Variants in EIF2A observed in about 807,000 individuals in gnomAD.
EIF2A encodes the protein 65 kDa eukaryotic translation initiation factor 2A.
Under a neutral mutation model 75.2 loss-of-function variants are expected in EIF2A, and 62 were observed. That is an observed-to-expected ratio of 0.82 (90% confidence interval 0.67 to 1.02). EIF2A has a LOEUF of 1.02. Among genes scored for constraint, EIF2A ranks in the 50% least tolerant of loss-of-function variants. The probability of loss-of-function intolerance (pLI) is 0.00; values close to 1 mark genes in which losing one functional copy is unlikely to be tolerated. For synonymous variants in EIF2A, 207 were observed against 239.0 expected (o/e 0.87, Z 1.23); for missense variants, 611 against 677.7 (o/e 0.90, Z 1.09).
intron 6 of EIF2A, chr3:150,567,034 T>C (rs980307207): frequency 3.3e-5 from 5 of 152,242 alleles, no homozygotes; most frequent in African/African-American, 1.2e-4. Flanking sequence ...TTCTCCTCTT[T>C]GTGAGCATGT....
intron 1 of EIF2A, among the ~76,000 whole-genome samples, chr3:150,549,589 A>G (rs555071225): frequency 6.6e-6 from 1 of 152,274 alleles, no homozygotes; most frequent in Non-Finnish European, 1.5e-5. Flanking sequence ...ACTGACATTC[A>G]ACCAAATGCC....
At position 150,562,554 on chromosome 3, in the gene EIF2A, C is replaced by A. The variant is rs370425613; in HGVS notation, c.186C>A (p.Ile62=). The change falls in exon 4 of 14, where the codon ATC becomes ATA. Residue 62 remains isoleucine, a synonymous_variant. Transcript: ENST00000460851. ...AWGNGEKVNI[I]SVTNKGLLHS... ...CTTTTGAAACCAGAGTAAATATTAT[C>A]AGTGTCACTAACAAGGGACTACTGC... 40 of 1,611,618 alleles carry A rather than the reference C, an allele frequency of 2.5e-5. No individual in the cohort carries two copies. In the African/African-American group the frequency reaches 4.9e-4, roughly 20 times the overall value.
At chr3:150,574,357 TA>T (rs1248718899) in intron 10 of EIF2A, among the ~76,000 whole-genome samples, 2 of 152,212 alleles carry the variant, frequency 1.3e-5, no homozygotes, top group East Asian at 1.9e-4. Flanking sequence ...ATGATGCTCA[TA>T]AGCGTGGAAG....
chr3:150,561,497 A>G (rs1576592923), intron 3 of EIF2A, among the ~76,000 whole-genome samples: 1 of 152,150 alleles, frequency 6.6e-6, no homozygotes, highest in East Asian at 1.9e-4. Flanking sequence ...AGAATCACTT[A>G]AACCCAGGAG....
At chr3:150,571,663 T>G (rs1724530652) in intron 9 of EIF2A, among the ~76,000 whole-genome samples, 1 of 152,172 alleles carries the variant, frequency 6.6e-6, no homozygotes, top group African/African-American at 2.4e-5. Flanking sequence ...TTGATTACCA[T>G]CTGCACGTAT....
intron 3 of EIF2A, chr3:150,558,743 A>T: frequency 5.4e-6 from 1 of 184,246 alleles, no homozygotes; most frequent in Non-Finnish European, 1.1e-5. Context: ...GCTCTAAGTT[A>T]TTGGTTGGAG....
At chr3:150,552,292 C>A in intron 1 of EIF2A, 64 bp from the exon 2 acceptor site, 1 of 1,377,934 alleles carries the variant, frequency 7.3e-7, no homozygotes, top group Non-Finnish European at 9.9e-7. Flanking sequence ...TTAAAAAACA[C>A]ATTTGTGTTA....
intron 1 of EIF2A, 89 bp downstream of exon 1, chr3:150,546,919 G>A (rs1723063129): frequency 6.4e-7 from 1 of 1,567,844 alleles, no homozygotes; most frequent in East Asian, 2.2e-5. Flanking sequence ...AGGAGCCGGG[G>A]AGTCTGATCT....
chr3:150,573,898 A>G (rs1337431028), intron 10 of EIF2A, among the ~76,000 whole-genome samples: 1 of 152,138 alleles, frequency 6.6e-6, no homozygotes, highest in Non-Finnish European at 1.5e-5. Context: ...GCTTTCCAAA[A>G]AAACCTTCAC....
At chr3:150,574,257 A>AGC (rs1451357501) in intron 10 of EIF2A, among the ~76,000 whole-genome samples, 1 of 152,200 alleles carries the variant, frequency 6.6e-6, no homozygotes, top group Non-Finnish European at 1.5e-5. Context: ...ATGCGTAATG[A>AGC]GCACATAGTA....
At position 150,584,081 on chromosome 3, in the gene EIF2A, A is replaced by C. The variant is rs897473645; in HGVS notation, c.*170A>C. The C allele has an allele frequency of 1.0e-5, 6 of 589,622 alleles. No homozygotes were observed. In the Admixed American group the frequency reaches 2.1e-4, roughly 21 times the overall value. The allele number at this position is 589,622 out of a possible 1,614,324, so 36.5% of individuals were successfully genotyped here. On this transcript the variant is annotated 3_prime_UTR_variant, in exon 14 of 14. Coordinates refer to ENST00000460851, the MANE Select transcript of EIF2A (RefSeq NM_032025.5). ...AAAATTATTTAATAATGTCTATTAA[A>C]TTGATATTTATATCTTGCATCCTAT... is the stretch of plus-strand genomic sequence containing the variant.
intron 3 of EIF2A, among the ~76,000 whole-genome samples, chr3:150,559,832 T>C (rs1723757471): frequency 6.6e-6 from 1 of 152,100 alleles, no homozygotes; most frequent in South Asian, 2.1e-4. Context: ...AATATAATTA[T>C]AATGAGTCTT....
intron 11 of EIF2A, among the ~76,000 whole-genome samples, chr3:150,579,141 C>T (rs1010980989): frequency 6.6e-6 from 1 of 152,048 alleles, no homozygotes; most frequent in African/African-American, 2.4e-5. Context: ...ATTCTTAGCT[C>T]ATTACAAACA....
chr3:150,550,000 G>GT (rs1204327081), intron 1 of EIF2A, among the ~76,000 whole-genome samples: 1 of 152,148 alleles, frequency 6.6e-6, no homozygotes, highest in Non-Finnish European at 1.5e-5. Context: ...GAAGCCCTGT[G>GT]TTTTTCTCTC....
Position 150,564,674 on chromosome 3 carries a change from T to C in EIF2A, c.475+293T>C, listed in dbSNP as rs929809797. 6 of 225,546 alleles carry C rather than the reference T, an allele frequency of 2.7e-5. No individual in the cohort carries two copies. The Admixed American group carries it at 3.2e-4, about 12-fold the overall frequency. The allele number at this position is 225,546 out of a possible 1,614,324, so 14.0% of individuals were successfully genotyped here. A position where few individuals can be genotyped will look rare whatever the true frequency, so the allele number is the denominator to read the frequency against. ...TCTGTGACACAAATTTTTTAGATAT[T>C]TTATCGTGTAGAATTTTAAACTTCA... On this transcript the variant is annotated intron_variant, in intron 6 of 13. Transcript: ENST00000460851.
intron 1 of EIF2A, among the ~76,000 whole-genome samples, chr3:150,549,735 ACTC>A (rs1030784009): frequency 2.0e-5 from 3 of 151,628 alleles, no homozygotes; most frequent in African/African-American, 7.3e-5. Flanking sequence ...TTATCTTCCC[ACTC>A]CTCGATACTC....
chr3:150,548,831 G>A (rs1355653196), intron 1 of EIF2A, among the ~76,000 whole-genome samples: 2 of 152,196 alleles, frequency 1.3e-5, no homozygotes, highest in African/African-American at 4.8e-5. Context: ...TAGAGGCCCA[G>A]AGAGATTAAG....
intron 10 of EIF2A, among the ~76,000 whole-genome samples, chr3:150,573,416 TA>T (rs1724660626): frequency 6.6e-6 from 1 of 152,174 alleles, no homozygotes; most frequent in Non-Finnish European, 1.5e-5. Flanking sequence ...CACGTCCAGC[TA>T]ATTTTTTTAT....
At chr3:150,573,549 G>T (rs969339324) in intron 10 of EIF2A, among the ~76,000 whole-genome samples, 1 of 152,160 alleles carries the variant, frequency 6.6e-6, no homozygotes, top group African/African-American at 2.4e-5. Flanking sequence ...ACTGTACCCG[G>T]CCAGGATTTT....
Sources: gnomAD v4.1 joint callset for allele counts (sites outside exome capture counted in the v4.1 genomes callset) on GRCh38, gnomAD v4.1.1 for gene constraint, MANE v1.5 for transcripts, NCBI Gene and HGNC (gene_info 2026-07-23, HGNC 2026-07-21) for gene names.